Variants in ZNF268 observed in about 807,000 individuals in gnomAD.
The protein encoded by ZNF268 is zinc finger protein 3.
ZNF268 carries 20 observed loss-of-function variants against 29.3 expected under a neutral mutation model. That is an observed-to-expected ratio of 0.68 (90% CI 0.48 to 0.99). ZNF268 has a LOEUF of 0.99. Ranked by LOEUF, ZNF268 falls within the 50% of genes least tolerant of loss-of-function variation. The pLI is 0.00. For missense variants in ZNF268, 1,240 were observed against 1,121.6 expected (o/e 1.11, Z -1.51); for synonymous variants, 429 against 376.9 (o/e 1.14, Z -1.60).
chr12:133,181,833 G>A, intron 1 of ZNF268, 113 bp from the exon 2 acceptor site: 2 of 691,808 alleles, frequency 2.9e-6, no homozygotes, highest in South Asian at 1.7e-5. Context: ...TGCTGTGGGA[G>A]GGAAGGAGCC....
rs777734102 is a variant in ZNF268 at position 133,203,389 on chromosome 12, A to C, written c.1703A>C (p.Lys568Thr). Reference protein sequence around the residue: ...CHECGKAFSRKYQLISHQRTH... With the variant: ...CHECGKAFSRTYQLISHQRTH... ...GAATGTGGGAAAGCCTTCAGTCGGAAATACCAGCTTATTTCACACCAGAGA... is the reference window on the plus strand; with the variant it reads ...GAATGTGGGAAAGCCTTCAGTCGGACATACCAGCTTATTTCACACCAGAGA... The change falls in exon 6 of 6, where the codon AAA becomes ACA. Residue 568 changes from lysine to threonine, a missense_variant. Around this residue, in one of 3 missense-constraint regions of ZNF268, gnomAD observed 1,177 missense variants for 1,039.6 expected, o/e 1.13. Transcript: ENST00000536435. The C allele has an allele frequency of 6.5e-7, 1 of 1,547,612 alleles. No homozygotes were observed. The highest frequency in any genetic ancestry group is 1.4e-5 in the African/African-American group (1 of 73,254).
At chr12:133,198,062 G>A (rs951665615) in intron 5 of ZNF268, among the ~76,000 whole-genome samples, 19 of 151,814 alleles carry the variant, frequency 1.3e-4, no homozygotes, top group Non-Finnish European at 2.6e-4. Context: ...GTCAATTTTG[G>A]CTTTTGTTGC....
chr12:133,198,708 C>G (rs1289420785), intron 5 of ZNF268, among the ~76,000 whole-genome samples: 3 of 150,632 alleles, frequency 2.0e-5, no homozygotes, highest in African/African-American at 7.4e-5. Flanking sequence ...TCTTTTATTT[C>G]ATTGAGCAGT....
chr12:133,202,209 A>G lies in ZNF268; in HGVS notation c.523A>G (p.Thr175Ala). 2 of 1,608,752 alleles carry G rather than the reference A, an allele frequency of 1.2e-6. No individual in the cohort carries two copies. The highest frequency in any genetic ancestry group is 1.7e-6 in the Non-Finnish European group (2 of 1,177,640). Residue 175 changes from threonine to alanine, a missense_variant, in exon 6 of 6, where the codon ACG becomes GCG. Thr to Ala is a moderately conservative substitution (Grantham distance 58). Coordinates refer to ENST00000536435, the MANE Select transcript of ZNF268 (RefSeq NM_003415.3). The part of the protein sequence containing the change: ...HQENKDKLGS[T>A]AKSFECTTFG... Reference sequence around the variant, plus strand: ...GGAAAATAAAGACAAGCTGGGAAGTACGGCAAAAAGCTTTGAATGCACTAC... The same window carrying G: ...GGAAAATAAAGACAAGCTGGGAAGTGCGGCAAAAAGCTTTGAATGCACTAC...
At position 133,212,504 on chromosome 12, in the gene ZNF268, T is replaced by C. The variant is rs1168893802; in HGVS notation, c.*7974T>C. 3.1e-4 allele frequency: 10 copies of C among 32,550 alleles called. No homozygotes were observed. The highest frequency in any genetic ancestry group is 9.5e-4 in the Admixed American group (2 of 2,110). 2.0% of individuals were successfully genotyped at this position (32,550 alleles called of 1,614,324 possible). ...ATATATATATATATATATATGTATA[T>C]ATACACACACACATACACACATATA... On this transcript the variant is annotated 3_prime_UTR_variant, in exon 6 of 6. Coordinates refer to ENST00000536435, the MANE Select transcript of ZNF268 (RefSeq NM_003415.3).
At chr12:133,183,998 A>G (rs999112060) in intron 2 of ZNF268, among the ~76,000 whole-genome samples, 2 of 152,268 alleles carry the variant, frequency 1.3e-5, no homozygotes, top group Non-Finnish European at 2.9e-5. Context: ...GTAACAAAAT[A>G]TCACAGACTG....
chr12:133,202,030 A>G (rs1956761734), intron 5 of ZNF268, 114 bp from the exon 6 acceptor site: 1 of 856,166 alleles, frequency 1.2e-6, no homozygotes. Context: ...TTTCTAGTAT[A>G]CCACAATCAT....
chr12:133,190,314 A>AT (rs1956433828), intron 3 of ZNF268, among the ~76,000 whole-genome samples: 1 of 152,184 alleles, frequency 6.6e-6, no homozygotes, highest in African/African-American at 2.4e-5. Flanking sequence ...TTGTATAAAT[A>AT]CCTGGGGCAT....
At position 133,211,063 on chromosome 12, in the gene ZNF268, T is replaced by C. The variant is rs1007269803; in HGVS notation, c.*6533T>C. On this transcript the variant is annotated 3_prime_UTR_variant, in exon 6 of 6. Transcript: ENST00000536435. Reference sequence around the variant, plus strand: ...CATTCCATGCCTTAATTGGAATGGATAGAGATAATAAAAGGCAAAGTAGAT... The same window carrying C: ...CATTCCATGCCTTAATTGGAATGGACAGAGATAATAAAAGGCAAAGTAGAT... The C allele has an allele frequency of 8.8e-6, 4 of 454,224 alleles. No homozygotes were observed. Among genetic ancestry groups the C allele is most frequent in the African/African-American group, 2.0e-5 (1 of 49,992 alleles). 28.1% of individuals were successfully genotyped at this position (454,224 alleles called of 1,614,324 possible). A position where few individuals can be genotyped will look rare whatever the true frequency, so the allele number is the denominator to read the frequency against.
intron 3 of ZNF268, among the ~76,000 whole-genome samples, chr12:133,190,104 G>C (rs904592545): frequency 2.0e-5 from 3 of 152,170 alleles, no homozygotes; most frequent in Non-Finnish European, 2.9e-5. Context: ...CATGGCGCCT[G>C]GCCCAAGTTT....
rs957978680 is a variant in ZNF268, at chr12:133,212,373, G to A, written c.*7843G>A. Reference sequence around the variant, plus strand: ...AAAAAGGCCACTTATCACTCCAGGAGAGCAGGGTGTTCTTTCATCACACAT... The same window carrying A: ...AAAAAGGCCACTTATCACTCCAGGAAAGCAGGGTGTTCTTTCATCACACAT... On this transcript the variant is annotated 3_prime_UTR_variant, in exon 6 of 6. Coordinates refer to ENST00000536435, the MANE Select transcript of ZNF268 (RefSeq NM_003415.3). 4 of 150,668 alleles carry A rather than the reference G, an allele frequency of 2.7e-5. No homozygotes were observed. The highest frequency in any genetic ancestry group is 5.9e-5 in the Non-Finnish European group (4 of 67,784). The allele number at this position is 150,668 out of a possible 1,614,324, so 9.3% of individuals were successfully genotyped here.
At chr12:133,190,956 T>C (rs1311866773) in intron 3 of ZNF268, among the ~76,000 whole-genome samples, 6 of 152,156 alleles carry the variant, frequency 3.9e-5, no homozygotes, top group Non-Finnish European at 8.8e-5. Context: ...TGCCTGACTG[T>C]CCTGCCTTTA....
At chr12:133,194,032 C>A (rs917988634) in intron 5 of ZNF268, among the ~76,000 whole-genome samples, 12 of 152,172 alleles carry the variant, frequency 7.9e-5, no homozygotes, top group African/African-American at 2.7e-4. Flanking sequence ...GCATTTTGTT[C>A]CTTTAAAAAG....
chr12:133,185,555 G>C (rs994156159), intron 2 of ZNF268, among the ~76,000 whole-genome samples: 1 of 152,182 alleles, frequency 6.6e-6, no homozygotes, highest in Non-Finnish European at 1.5e-5. Flanking sequence ...TGGGGGTAGG[G>C]AGTGAGAGAG....
chr12:133,210,725 C>T lies in ZNF268; in HGVS notation c.*6195C>T, dbSNP rs1434060182. On this transcript the variant is annotated 3_prime_UTR_variant, in exon 6 of 6. Coordinates refer to ENST00000536435, the MANE Select transcript of ZNF268 (RefSeq NM_003415.3). ...CCTGCCAAGGGTCCCCAGGTCAGTC[C>T]TGAGGAGAAGGCAGCTCAGTCTTTA... 2 of 426,010 alleles carry T rather than the reference C, an allele frequency of 4.7e-6. No homozygotes were observed. The highest frequency in any genetic ancestry group is 3.3e-5 in the South Asian group (2 of 60,270). 26.4% of individuals were successfully genotyped at this position (426,010 alleles called of 1,614,324 possible).
At position 133,204,179 on chromosome 12, in the gene ZNF268, A is replaced by C; in HGVS notation, c.2493A>C (p.Ala831=). The C allele has an allele frequency of 6.5e-7, 1 of 1,541,266 alleles. No individual in the cohort carries two copies. The highest frequency in any genetic ancestry group is 8.7e-7 in the Non-Finnish European group (1 of 1,147,258). The change falls in exon 6 of 6, where the codon GCA becomes GCC. Residue 831 remains alanine (A), a synonymous_variant. Coordinates refer to ENST00000536435, the MANE Select transcript of ZNF268 (RefSeq NM_003415.3). ...SLLIVHERTH[A]GVNPYKCSQC... ...TCATTGTACATGAGCGAACTCATGC[A>C]GGGGTCAACCCTTATAAATGCAGTC...
chr12:133,185,030 G>T (rs1177336012), intron 2 of ZNF268, among the ~76,000 whole-genome samples: 2 of 151,668 alleles, frequency 1.3e-5, no homozygotes, highest in African/African-American at 4.8e-5. Flanking sequence ...CTAAAAATAT[G>T]AAAATTAGCT....
Position 133,203,849 on chromosome 12 carries a change from GAA to G in ZNF268, c.2165_2166del (p.Lys722ThrfsTer3). 2.6e-6 allele frequency: 4 copies of G among 1,565,894 alleles called. No individual in the cohort carries two copies. The highest frequency in any genetic ancestry group is 3.4e-6 in the Non-Finnish European group (4 of 1,161,258). On this transcript the variant is annotated frameshift_variant, in exon 6 of 6. Coordinates refer to ENST00000536435, the MANE Select transcript of ZNF268 (RefSeq NM_003415.3). LOFTEE classifies it low-confidence loss of function (END_TRUNC). ...IIHMRTHTGE[K>X]PHECRECGKS... ...TACATATGAGAACTCATACAGGAGA[GAA>G]ACCACATGAGTGCAGGGAATGCGGG... is the stretch of plus-strand genomic sequence containing the variant.
chr12:133,203,314 T>C lies in ZNF268; in HGVS notation c.1628T>C (p.Leu543Pro), dbSNP rs530791283. ...CGKAFSFKSQ[L>P]IIHQRIHTGE... ...AAAGCCTTCAGTTTTAAATCACAGC[T>C]CATTATACATCAGAGGATTCATACA... The change falls in exon 6 of 6, where the codon CTC becomes CCC. Residue 543 changes from leucine to proline, a missense_variant. Physicochemically the swap from Leu to Pro is moderately conservative, Grantham distance 98. Coordinates refer to ENST00000536435, the MANE Select transcript of ZNF268 (RefSeq NM_003415.3). 95 of 1,542,990 alleles carry C rather than the reference T, an allele frequency of 6.2e-5. No homozygotes were observed. In the South Asian group the frequency reaches 1.0e-3, roughly 16 times the overall value.
Sources: allele counts gnomAD v4.1 joint callset (sites outside exome capture counted in the v4.1 genomes callset), GRCh38; gene constraint gnomAD v4.1.1; regional missense constraint gnomAD v4.1.1; transcripts MANE v1.5; gene names NCBI Gene and HGNC (gene_info 2026-07-23, HGNC 2026-07-21).